The following MYH11 variants were observed in gnomAD, a reference collection of about 807,000 sequenced individuals.
MYH11 encodes myosin-11.
Under a neutral mutation model 246.6 loss-of-function variants are expected in MYH11, and 80 were observed. The ratio of observed to expected loss-of-function variants is 0.32; its 90% CI spans 0.27 to 0.39. The LOEUF is 0.39. Among genes scored for constraint, MYH11 ranks in the 10% least tolerant of loss-of-function variants. The pLI is 1.00. For missense variants in MYH11, 2,158 were observed against 2,546.8 expected (o/e 0.85, Z 3.29); for synonymous variants, 1,071 against 1,015.5 (o/e 1.05, Z -1.04).
At chr16:15,708,663 A>T (rs2039599986) in intron 40 of MYH11, 1 of 872,714 alleles carries the variant, frequency 1.1e-6, no homozygotes, top group East Asian at 2.6e-5. Context: ...TTGCACAAAG[A>T]TATCCAAGCC....
chr16:15,760,566 C>T lies in MYH11; in HGVS notation c.1222G>A (p.Val408Ile). 1 of 1,613,504 alleles carries T rather than the reference C, an allele frequency of 6.2e-7. No individual in the cohort carries two copies. Among genetic ancestry groups the T allele is most frequent in the Non-Finnish European group, 8.5e-7 (1 of 1,179,464 alleles). Residue 408 changes from valine to isoleucine, a missense_variant, in exon 11 of 41, where the codon GTA (valine) becomes ATA (isoleucine). Val to Ile is a conservative substitution (Grantham distance 29, BLOSUM62 3). Coordinates refer to ENST00000300036, the MANE Select transcript of MYH11 (RefSeq NM_002474.3). ...TPRIKVGRDV[V>I]QKAQTKEQAD... ...TGTTCTTTTGTCTGAGCTTTCTGTA[C>T]CACATCTCGCCCAACCTTGATACGA...
At chr16:15,712,458 G>A (rs1230426105) in intron 40 of MYH11, among the ~76,000 whole-genome samples, 1 of 152,054 alleles carries the variant, frequency 6.6e-6, no homozygotes, top group Non-Finnish European at 1.5e-5. Flanking sequence ...GACCAGCCTG[G>A]GCAACATGGT....
At chr16:15,848,939 C>A (rs1396790108) in intron 1 of MYH11, among the ~76,000 whole-genome samples, 5 of 152,160 alleles carry the variant, frequency 3.3e-5, no homozygotes. Context: ...ACCTTCCCAA[C>A]CCTCCCTCCT....
At chr16:15,705,429 G>A (rs1376294910) in intron 40 of MYH11, among the ~76,000 whole-genome samples, 1 of 152,028 alleles carries the variant, frequency 6.6e-6, no homozygotes, top group African/African-American at 2.4e-5. Flanking sequence ...TGGGTAGGAG[G>A]AAGAGAGTGG....
At chr16:15,782,186 A>G (rs1339399584) in intron 6 of MYH11, among the ~76,000 whole-genome samples, 199 bp downstream of exon 6, 2 of 152,052 alleles carry the variant, frequency 1.3e-5, no homozygotes, top group Admixed American at 6.6e-5. Flanking sequence ...AGGCCAATCA[A>G]TATTTGTTGA....
intron 9 of MYH11, among the ~76,000 whole-genome samples, chr16:15,768,649 TCCTTA>T (rs1426544222): frequency 6.6e-6 from 1 of 152,156 alleles, no homozygotes; most frequent in Non-Finnish European, 1.5e-5. Context: ...TCCTTCTCTT[TCCTTA>T]CATTTGTTTT....
chr16:15,765,681 G>A (rs1309494808), intron 9 of MYH11, among the ~76,000 whole-genome samples: 6 of 152,102 alleles, frequency 3.9e-5, no homozygotes, highest in Non-Finnish European at 5.9e-5. Context: ...CACGCCATGG[G>A]GTCCCTGGCC....
rs1159818787 is a variant in MYH11 at position 15,721,625 on chromosome 16, C to T, written c.4375G>A (p.Glu1459Lys). 6.2e-7 allele frequency: 1 copy of T among 1,614,152 alleles called. No homozygotes were observed. Among genetic ancestry groups the T allele is most frequent in the Non-Finnish European group, 8.5e-7 (1 of 1,180,032 alleles). The stretch of plus-strand genomic sequence containing the variant: ...TATTTGGAAGAGATGTTTTTCTCCT[C>T]GGCTAACAACTACAACACAAGACCC... ...KQRKFDQLLA[E>K]EKNISSKYAD... is the part of the protein sequence containing the mutation. The change falls in exon 32 of 41, where the codon GAG (glutamate) becomes AAG (lysine). Residue 1459 changes from glutamate to lysine, a missense_variant. Transcript: ENST00000300036.
chr16:15,807,642 C>G (rs1054061587), intron 3 of MYH11, among the ~76,000 whole-genome samples: 1 of 152,052 alleles, frequency 6.6e-6, no homozygotes, highest in East Asian at 1.9e-4. Context: ...TGGGGGCGGC[C>G]GGCCATCATC....
intron 31 of MYH11, 142 bp downstream of exon 31, chr16:15,724,019 C>G (rs1303177996): frequency 1.4e-6 from 2 of 1,426,944 alleles, no homozygotes; most frequent in Non-Finnish European, 1.9e-6. Flanking sequence ...TCGCCCAAGA[C>G]AAGATAAGAC....
At chr16:15,832,518 G>A (rs760169457) in intron 2 of MYH11, among the ~76,000 whole-genome samples, 8 of 152,178 alleles carry the variant, frequency 5.3e-5, no homozygotes, top group Admixed American at 3.9e-4. Flanking sequence ...ACTGCTACTC[G>A]CACTCTGCAT....
At chr16:15,814,882 G>T (rs984783339) in intron 3 of MYH11, among the ~76,000 whole-genome samples, 1 of 152,016 alleles carries the variant, frequency 6.6e-6, no homozygotes, top group Non-Finnish European at 1.5e-5. Flanking sequence ...GTCCTGGGGG[G>T]ACACCAGGAA....
intron 2 of MYH11, among the ~76,000 whole-genome samples, chr16:15,826,996 CAAAAAAAAAAAA>C (rs10573425): frequency 3.4e-5 from 2 of 57,980 alleles, no homozygotes; most frequent in African/African-American, 5.1e-5. Flanking sequence ...GAACCCATCT[CAAAAAAAAAAAA>C]AAAAAAAAAA....
intron 2 of MYH11, among the ~76,000 whole-genome samples, chr16:15,832,081 T>A (rs1596923332): frequency 6.6e-6 from 1 of 152,064 alleles, no homozygotes; most frequent in South Asian, 2.1e-4. Flanking sequence ...GTTCCTTGTG[T>A]CCCCGGGTGG....
chr16:15,738,771 A>C, intron 23 of MYH11, 83 bp from the exon 24 acceptor site: 2 of 1,501,408 alleles, frequency 1.3e-6, no homozygotes, highest in Non-Finnish European at 9.2e-7. Context: ...ATTTCCATGT[A>C]AACAGTTGAA....
intron 40 of MYH11, among the ~76,000 whole-genome samples, chr16:15,707,047 A>T (rs1392625066): frequency 6.6e-6 from 1 of 151,472 alleles, no homozygotes; most frequent in Non-Finnish European, 1.5e-5. Context: ...AGAATCTGGA[A>T]TTTTTTTTTG....
Position 15,717,101 on chromosome 16 carries a change from C to A in MYH11, c.5504+39G>T, listed in dbSNP as rs370628647. The A allele has an allele frequency of 2.6e-4, 424 of 1,602,976 alleles. No individual in the cohort carries two copies. Among genetic ancestry groups the A allele is most frequent in the Non-Finnish European group, 3.3e-4 (387 of 1,169,868 alleles). On this transcript the variant is annotated intron_variant, in intron 38 of 40. Coordinates refer to ENST00000300036, the MANE Select transcript of MYH11 (RefSeq NM_002474.3). The stretch of plus-strand genomic sequence containing the variant: ...CACTATGACTCCTGCTGTCCATCAC[C>A]CCCCTGCAAACTGGGTTCGGAACTC...
intron 8 of MYH11, among the ~76,000 whole-genome samples, chr16:15,774,852 G>C (rs896656907): frequency 2.6e-5 from 4 of 152,220 alleles, no homozygotes; most frequent in African/African-American, 9.6e-5. Context: ...GCCTCCGAAA[G>C]TGTGGGATTA....
At chr16:15,850,386 G>T (rs971314389) in intron 1 of MYH11, among the ~76,000 whole-genome samples, 1 of 151,820 alleles carries the variant, frequency 6.6e-6, no homozygotes, top group African/African-American at 2.4e-5. Flanking sequence ...ACTCTGTCTT[G>T]AAAATAAATA....
Sources: gnomAD v4.1 joint callset for allele counts (sites outside exome capture counted in the v4.1 genomes callset) on GRCh38, gnomAD v4.1.1 for gene constraint, MANE v1.5 for transcripts, NCBI Gene and HGNC (gene_info 2026-07-23, HGNC 2026-07-21) for gene names.